The following BANK1 variants were observed in gnomAD, a reference collection of about 807,000 sequenced individuals.
BANK1 encodes B cell scaffold protein with ankyrin repeats 1, also known as B-cell scaffold protein with ankyrin repeats.
Under a neutral mutation model 94.5 loss-of-function variants are expected in BANK1, and 95 were observed. That is an observed-to-expected ratio of 1.00 (90% CI 0.85 to 1.19). The LOEUF is 1.19. BANK1 is among the 50% of genes most tolerant of loss of function. BANK1 has a pLI of 0.00. For missense variants in BANK1, 987 were observed against 932.2 expected (o/e 1.06, Z -0.77); for synonymous variants, 334 against 308.4 (o/e 1.08, Z -0.87).
intron 7 of BANK1, among the ~76,000 whole-genome samples, chr4:101,947,639 A>G (rs1723982710): frequency 6.6e-6 from 1 of 151,862 alleles, no homozygotes; most frequent in East Asian, 1.9e-4. Flanking sequence ...CCCATAAACC[A>G]ATAAAATATA....
At chr4:101,958,607 A>G (rs1161012891) in intron 7 of BANK1, among the ~76,000 whole-genome samples, 3 of 152,030 alleles carry the variant, frequency 2.0e-5, no homozygotes, top group Non-Finnish European at 4.4e-5. Flanking sequence ...TCCTTAAAAC[A>G]TTTATTGTGC....
At chr4:101,994,995 A>G (rs1398001777) in intron 7 of BANK1, among the ~76,000 whole-genome samples, 1 of 152,118 alleles carries the variant, frequency 6.6e-6, no homozygotes, top group Non-Finnish European at 1.5e-5. Flanking sequence ...CATGTGCAGA[A>G]CGTGCCAGTT....
intron 11 of BANK1, among the ~76,000 whole-genome samples, 186 bp from the exon 12 acceptor site, chr4:102,060,025 C>G (rs895307145): frequency 2.2e-4 from 34 of 152,030 alleles, no homozygotes; most frequent in Admixed American, 2.2e-3. Context: ...TTTTTTCACC[C>G]ATAAGACTAG....
At chr4:101,977,549 CT>C (rs1373906181) in intron 7 of BANK1, among the ~76,000 whole-genome samples, 9 of 152,170 alleles carry the variant, frequency 5.9e-5, no homozygotes, top group African/African-American at 2.2e-4. Flanking sequence ...CATTCTTCCA[CT>C]TTATTGGCTA....
At chr4:102,048,633 G>A (rs972312787) in intron 11 of BANK1, among the ~76,000 whole-genome samples, 2 of 152,100 alleles carry the variant, frequency 1.3e-5, no homozygotes, top group African/African-American at 4.8e-5. Context: ...AAAGGGACTA[G>A]ACAAGTTCTC....
chr4:101,825,341 A>C (rs1454022248), intron 1 of BANK1, among the ~76,000 whole-genome samples: 3 of 152,114 alleles, frequency 2.0e-5, no homozygotes, highest in Non-Finnish European at 4.4e-5. Flanking sequence ...GTTCAAGGCC[A>C]CTGGGCTACT....
intron 7 of BANK1, among the ~76,000 whole-genome samples, chr4:102,020,158 A>G (rs1726843629): frequency 6.6e-6 from 1 of 151,546 alleles, no homozygotes; most frequent in African/African-American, 2.4e-5. Flanking sequence ...TTTGTAAACC[A>G]TTGCTACTAA....
At chr4:101,930,773 A>G (rs1262680202) in intron 7 of BANK1, among the ~76,000 whole-genome samples, 1 of 151,544 alleles carries the variant, frequency 6.6e-6, no homozygotes, top group Non-Finnish European at 1.5e-5. Flanking sequence ...GAACCCAGGC[A>G]GTGTAGCTCT....
chr4:102,070,608 C>T (rs556272667), intron 13 of BANK1, among the ~76,000 whole-genome samples: 43 of 152,326 alleles, frequency 2.8e-4, no homozygotes, highest in African/African-American at 9.4e-4. Flanking sequence ...AATTCCCTCT[C>T]CCCGGCACAG....
At chr4:102,003,657 A>G (rs1726150858) in intron 7 of BANK1, among the ~76,000 whole-genome samples, 2 of 152,132 alleles carry the variant, frequency 1.3e-5, no homozygotes, top group African/African-American at 4.8e-5. Context: ...GGTGATCACA[A>G]AGGTCCACCC....
intron 7 of BANK1, among the ~76,000 whole-genome samples, chr4:101,990,367 T>C (rs1295075927): frequency 1.3e-5 from 2 of 152,228 alleles, no homozygotes; most frequent in Admixed American, 1.3e-4. Context: ...TCAAAATATA[T>C]TGCATTCTGT....
chr4:101,959,884 A>G (rs868321363), intron 7 of BANK1, among the ~76,000 whole-genome samples: 3 of 152,194 alleles, frequency 2.0e-5, no homozygotes, highest in South Asian at 4.1e-4. Flanking sequence ...TTAAAGTTCT[A>G]TATCCTCTGT....
intron 3 of BANK1, among the ~76,000 whole-genome samples, chr4:101,861,975 G>GGC (rs1727893663): frequency 6.6e-6 from 1 of 151,986 alleles, no homozygotes; most frequent in Non-Finnish European, 1.5e-5. Context: ...AACCATGGCA[G>GGC]ACACTTACCA....
At chr4:101,919,550 C>T (rs1318599040) in intron 7 of BANK1, among the ~76,000 whole-genome samples, 1 of 151,930 alleles carries the variant, frequency 6.6e-6, no homozygotes, top group Non-Finnish European at 1.5e-5. Flanking sequence ...TACCTCTGCT[C>T]CTGCAATAAC....
intron 4 of BANK1, among the ~76,000 whole-genome samples, chr4:101,868,970 C>T (rs1305518985): frequency 2.6e-5 from 4 of 151,778 alleles, no homozygotes; most frequent in South Asian, 2.1e-4. Context: ...ACATCATTAT[C>T]GGTAGATCCA....
chr4:101,901,930 T>C (rs1371196489), intron 6 of BANK1, among the ~76,000 whole-genome samples: 1 of 152,088 alleles, frequency 6.6e-6, no homozygotes, highest in Non-Finnish European at 1.5e-5. Flanking sequence ...CTGGCTATTT[T>C]TTTGTATTTT....
At chr4:101,816,118 A>T (rs1018332263) in intron 1 of BANK1, among the ~76,000 whole-genome samples, 4 of 152,186 alleles carry the variant, frequency 2.6e-5, no homozygotes, top group African/African-American at 7.2e-5. Flanking sequence ...TTGCAGCCTC[A>T]TCTGTAGCTC....
Position 102,043,876 on chromosome 4 carries a change from TGAC to T in BANK1, c.1939_1941del (p.Asp647del). Reference sequence around the variant, plus strand: ...AGACAGCCAGAAGACAATCTGATGATGACAAGTTCTGTGGTCTTCCTAAGAAAC... The same window carrying T: ...AGACAGCCAGAAGACAATCTGATGATAAGTTCTGTGGTCTTCCTAAGAAAC... On this transcript the variant is annotated inframe_deletion, in exon 11 of 17. Coordinates refer to ENST00000322953, the MANE Select transcript of BANK1 (RefSeq NM_017935.5). The T allele has an allele frequency of 6.2e-7, 1 of 1,603,832 alleles. No individual in the cohort carries two copies. Among genetic ancestry groups the T allele is most frequent in the Non-Finnish European group, 8.5e-7 (1 of 1,171,880 alleles).
At position 101,818,665 on chromosome 4, in the gene BANK1, T is replaced by G. The variant is rs541149076; in HGVS notation, c.71-11143T>G. 4.1e-4 allele frequency among the ~76,000 whole-genome samples: 63 copies of G among 152,278 alleles called. 1 individual carries two copies. In the South Asian group the frequency reaches 7.5e-3, roughly 18 times the overall value. On this transcript the variant is annotated intron_variant, in intron 1 of 16. Transcript: ENST00000322953. Reference sequence around the variant, plus strand: ...AACCACATTTTCACATAACTTTTACTATAATATACTGTTACAGTTGTTCTA... The same window carrying G: ...AACCACATTTTCACATAACTTTTACGATAATATACTGTTACAGTTGTTCTA...
Sources: gnomAD v4.1 joint callset for allele counts (sites outside exome capture counted in the v4.1 genomes callset) on GRCh38, gnomAD v4.1.1 for gene constraint, MANE v1.5 for transcripts, NCBI Gene and HGNC (gene_info 2026-07-23, HGNC 2026-07-21) for gene names.